The following SOX5 variants were observed in gnomAD, a reference collection of about 807,000 sequenced individuals.
SOX5 encodes SRY-box transcription factor 5, also known as transcription factor SOX-5.
Under a neutral mutation model 92.0 loss-of-function variants are expected in SOX5, and 9 were observed. That is an observed-to-expected ratio of 0.10 (90% CI 0.06 to 0.17). SOX5 has a LOEUF of 0.17. Ranked by LOEUF, SOX5 falls within the 10% of genes least tolerant of loss-of-function variation. The probability of loss-of-function intolerance (pLI) is 1.00; values close to 1 mark genes in which losing one functional copy is unlikely to be tolerated. For missense variants in SOX5, 642 were observed against 944.5 expected (o/e 0.68, Z 4.20); for synonymous variants, 344 against 336.3 (o/e 1.02, Z -0.25).
At chr12:24,350,100 T>C (rs545898535) in intron 2 of SOX5, among the ~76,000 whole-genome samples, 46 of 152,364 alleles carry the variant, frequency 3.0e-4, no homozygotes, top group Non-Finnish European at 2.9e-5. Flanking sequence ...ATGGTTTTGA[T>C]GTAGTCTGTA....
chr12:24,526,608 G>T (rs942419609), intron 1 of SOX5, among the ~76,000 whole-genome samples: 1 of 152,056 alleles, frequency 6.6e-6, no homozygotes, highest in Non-Finnish European at 1.5e-5. Context: ...TAACAAAAGC[G>T]CAAGAAGAAA....
At chr12:23,950,044 T>TCA (rs1569220018), upstream of SOX5, among the ~76,000 whole-genome samples, 3 of 151,736 alleles carry the variant, frequency 2.0e-5, no homozygotes, top group Admixed American at 6.6e-5. Flanking sequence ...ATCATAAAAC[T>TCA]CACACACACA....
At chr12:24,099,415 G>A (rs569027450) in intron 4 of SOX5, among the ~76,000 whole-genome samples, 1 of 152,316 alleles carries the variant, frequency 6.6e-6, no homozygotes, top group East Asian at 1.9e-4. Context: ...AGCTTCAGCA[G>A]ATCATACAGG....
At chr12:24,314,359 C>G (rs1336103881) in intron 2 of SOX5, among the ~76,000 whole-genome samples, 24 of 123,596 alleles carry the variant, frequency 1.9e-4, no homozygotes, top group African/African-American at 7.6e-4. Flanking sequence ...ACATCAGAGC[C>G]TGTTGTGGAG....
At chr12:23,573,844 C>T (rs1430671728) in intron 10 of SOX5, among the ~76,000 whole-genome samples, 2 of 151,986 alleles carry the variant, frequency 1.3e-5, no homozygotes, top group East Asian at 3.9e-4. Flanking sequence ...GCCCTAGGGA[C>T]AGGCCTATGT....
intron 4 of SOX5, among the ~76,000 whole-genome samples, chr12:23,997,214 C>T (rs1022820314): frequency 6.6e-6 from 1 of 152,140 alleles, no homozygotes; most frequent in Admixed American, 6.6e-5. Flanking sequence ...TTTCCACCCA[C>T]CTTATTCACC....
chr12:24,174,069 C>T (rs563802562), intron 4 of SOX5, among the ~76,000 whole-genome samples: 123 of 152,084 alleles, frequency 8.1e-4, no homozygotes, highest in African/African-American at 2.9e-3. Context: ...ATAATCTCGG[C>T]TCACTGCAAC....
chr12:23,709,364 C>T (rs1567134912), intron 6 of SOX5, among the ~76,000 whole-genome samples: 3 of 152,136 alleles, frequency 2.0e-5, no homozygotes, highest in African/African-American at 7.2e-5. Flanking sequence ...CTCACCCTCC[C>T]AGTGTGTTGG....
At chr12:24,214,675 G>A (rs907311814) in intron 3 of SOX5, among the ~76,000 whole-genome samples, 3 of 151,996 alleles carry the variant, frequency 2.0e-5, no homozygotes, top group African/African-American at 7.2e-5. Flanking sequence ...ACCAGATTAT[G>A]CAGGTCAGTA....
intron 2 of SOX5, among the ~76,000 whole-genome samples, chr12:23,872,530 AAT>A (rs1440232574): frequency 7.6e-4 from 115 of 152,316 alleles, no homozygotes; most frequent in Middle Eastern, 3.4e-3. Flanking sequence ...GCATTCAAAA[AAT>A]AGAAAACTAT....
chr12:24,081,770 T>C (rs1592979057), intron 4 of SOX5, among the ~76,000 whole-genome samples: 1 of 152,068 alleles, frequency 6.6e-6, no homozygotes, highest in East Asian at 1.9e-4. Flanking sequence ...TGTACCGAAT[T>C]GAGGTCACTG....
chr12:24,157,944 A>G (rs1197952136), intron 4 of SOX5, among the ~76,000 whole-genome samples: 1 of 152,024 alleles, frequency 6.6e-6, no homozygotes, highest in Non-Finnish European at 1.5e-5. Flanking sequence ...AAGGTAGTAT[A>G]TAGGATTCTG....
intron 4 of SOX5, among the ~76,000 whole-genome samples, chr12:24,191,211 T>A (rs1377877071): frequency 1.3e-5 from 2 of 152,218 alleles, no homozygotes; most frequent in Admixed American, 1.3e-4. Flanking sequence ...AGCTGCTTCA[T>A]TGTTTGGCCC....
At chr12:23,993,086 G>A (rs1950712095) in intron 4 of SOX5, among the ~76,000 whole-genome samples, 1 of 152,102 alleles carries the variant, frequency 6.6e-6, no homozygotes, top group South Asian at 2.1e-4. Context: ...GTACCAGATA[G>A]AAGCAGTGAC....
chr12:24,476,994 T>TAA (rs1566261793), intron 1 of SOX5, among the ~76,000 whole-genome samples: 12 of 15,708 alleles, frequency 7.6e-4, no homozygotes, highest in Middle Eastern at 0.042. Flanking sequence ...AAGACCCCTC[T>TAA]CAAAAAAAAA....
chr12:23,765,568 A>T (rs1004698342), intron 3 of SOX5, among the ~76,000 whole-genome samples: 1 of 151,982 alleles, frequency 6.6e-6, no homozygotes, highest in Non-Finnish European at 1.5e-5. Flanking sequence ...GCATCACCAG[A>T]GACTTCTCAT....
intron 3 of SOX5, among the ~76,000 whole-genome samples, chr12:23,824,452 G>T (rs925501656): frequency 6.6e-6 from 1 of 152,218 alleles, no homozygotes; most frequent in Non-Finnish European, 1.5e-5. Context: ...AGCTGAGGCT[G>T]TAGAACAGCA....
chr12:23,873,640 T>C (rs1442092796), intron 2 of SOX5, among the ~76,000 whole-genome samples: 1 of 152,242 alleles, frequency 6.6e-6, no homozygotes, highest in African/African-American at 2.4e-5. Flanking sequence ...TCATATACAC[T>C]AAATGTCCAT....
intron 1 of SOX5, among the ~76,000 whole-genome samples, chr12:23,928,494 A>T (rs145217381): frequency 6.6e-6 from 1 of 152,030 alleles, no homozygotes; most frequent in Non-Finnish European, 1.5e-5. Context: ...CTAAGCATAT[A>T]AAAACAATTT....
Sources: gnomAD v4.1 joint callset for allele counts (sites outside exome capture counted in the v4.1 genomes callset) on GRCh38, gnomAD v4.1.1 for gene constraint, MANE v1.5 for transcripts, NCBI Gene and HGNC (gene_info 2026-07-23, HGNC 2026-07-21) for gene names.